Variants in KCNK1 observed in about 807,000 individuals in gnomAD.
KCNK1 encodes the protein potassium channel subfamily K member 1.
A neutral mutation model predicts 22.2 loss-of-function variants in KCNK1; 10 were observed. The ratio of observed to expected loss-of-function variants is 0.45; its 90% CI spans 0.28 to 0.76. The LOEUF (loss-of-function observed/expected upper bound fraction) is 0.76. Ranked by LOEUF, KCNK1 falls within the 30% of genes least tolerant of loss-of-function variation. The pLI is 0.14. For missense variants in KCNK1, 378 were observed against 421.0 expected, an observed-to-expected ratio of 0.90 and a Z score of 0.89; for synonymous variants, 200 against 186.4, an observed-to-expected ratio of 1.07 and a Z score of -0.60.
intron 1 of KCNK1, among the ~76,000 whole-genome samples, chr1:233,649,787 G>C (rs114993284): frequency 5.1e-4 from 77 of 152,284 alleles, no homozygotes; most frequent in African/African-American, 1.8e-3. Flanking sequence ...TGGGGATTAG[G>C]CTTTAACATA....
At chr1:233,664,684 T>G (rs1364214170) in intron 1 of KCNK1, among the ~76,000 whole-genome samples, 1 of 152,224 alleles carries the variant, frequency 6.6e-6, no homozygotes, top group African/African-American at 2.4e-5. Context: ...ACCCTGCCTC[T>G]GCCGTGGTGA....
intron 1 of KCNK1, among the ~76,000 whole-genome samples, chr1:233,640,332 G>A (rs997974142): frequency 1.1e-4 from 17 of 152,256 alleles, no homozygotes; most frequent in Admixed American, 8.5e-4. Context: ...GTGGGCAGGT[G>A]AAGTAATAAA....
intron 1 of KCNK1, among the ~76,000 whole-genome samples, chr1:233,654,724 G>A (rs1658260497): frequency 6.6e-6 from 1 of 152,118 alleles, no homozygotes; most frequent in Non-Finnish European, 1.5e-5. Context: ...ACTTGTCTGA[G>A]TAACATAGTG....
At chr1:233,647,219 C>T (rs1368048378) in intron 1 of KCNK1, among the ~76,000 whole-genome samples, 1 of 152,100 alleles carries the variant, frequency 6.6e-6, no homozygotes, top group Admixed American at 6.5e-5. Flanking sequence ...AGATGAAATC[C>T]TCTTGGTATT....
chr1:233,660,814 C>T (rs937242447), intron 1 of KCNK1: 1 of 152,190 alleles, frequency 6.6e-6, no homozygotes, highest in African/African-American at 2.4e-5. Flanking sequence ...AGTAACACCA[C>T]CCTCTCACTG....
rs1309896546 is a variant in KCNK1 at position 233,670,864 on chromosome 1, CT to C, written c.752-403del. On this transcript the variant is annotated intron_variant, in intron 2 of 2. Coordinates refer to ENST00000366621, the MANE Select transcript of KCNK1 (RefSeq NM_002245.4). The stretch of plus-strand genomic sequence containing the variant: ...CGAGCACCCCATGATAAAACAAAAA[CT>C]TTTCTAAAACATCACTGGCTTTTTG... Among the ~76,000 whole-genome samples the C allele has an allele frequency of 5.9e-5, 9 of 152,290 alleles. No homozygotes were observed. In the South Asian group the frequency reaches 1.7e-3, roughly 28 times the overall value.
chr1:233,645,975 T>TA (rs1343778524), intron 1 of KCNK1, among the ~76,000 whole-genome samples: 1 of 152,196 alleles, frequency 6.6e-6, no homozygotes, highest in African/African-American at 2.4e-5. Flanking sequence ...CTAATACTGT[T>TA]ACCTGAAATG....
chr1:233,630,904 A>G (rs943064249), intron 1 of KCNK1: 2 of 181,598 alleles, frequency 1.1e-5, no homozygotes, highest in African/African-American at 4.8e-5. Flanking sequence ...GTAAATGTCA[A>G]CGTCAGACAT....
At chr1:233,614,682 C>G (rs889903951) in intron 1 of KCNK1, among the ~76,000 whole-genome samples, 156 bp downstream of exon 1, 1 of 151,406 alleles carries the variant, frequency 6.6e-6, no homozygotes, top group African/African-American at 2.4e-5. Flanking sequence ...ACTGTCCTCC[C>G]GACCCTCCGA....
intron 1 of KCNK1, among the ~76,000 whole-genome samples, chr1:233,626,066 G>A (rs775268443): frequency 3.3e-5 from 5 of 151,860 alleles, no homozygotes; most frequent in Admixed American, 6.6e-5. Flanking sequence ...GTGTAGGAGG[G>A]CAAGGCTGAG....
intron 1 of KCNK1, among the ~76,000 whole-genome samples, chr1:233,638,039 A>T (rs558283197): frequency 6.6e-6 from 1 of 150,518 alleles, no homozygotes; most frequent in East Asian, 1.9e-4. Context: ...TGCTTCTGTT[A>T]TATTTATTTT....
intron 2 of KCNK1, among the ~76,000 whole-genome samples, chr1:233,669,006 A>G (rs1486016060): frequency 6.6e-6 from 1 of 152,238 alleles, no homozygotes; most frequent in African/African-American, 2.4e-5. Context: ...CTCATAGAAC[A>G]TAATGACCTG....
intron 1 of KCNK1, among the ~76,000 whole-genome samples, chr1:233,631,818 T>A (rs1256805659): frequency 1.3e-5 from 2 of 152,204 alleles, no homozygotes; most frequent in Admixed American, 6.5e-5. Flanking sequence ...TGGTTTTTTT[T>A]AAGCAAGTAA....
intron 1 of KCNK1, among the ~76,000 whole-genome samples, chr1:233,634,461 A>G (rs558571559): frequency 4.1e-4 from 62 of 152,354 alleles, no homozygotes; most frequent in Non-Finnish European, 7.5e-4. Context: ...CCTGTTTCTC[A>G]GATGTGAAAT....
At chr1:233,638,003 A>AC (rs1466550021) in intron 1 of KCNK1, among the ~76,000 whole-genome samples, 2 of 151,638 alleles carry the variant, frequency 1.3e-5, no homozygotes, top group Non-Finnish European at 2.9e-5. Flanking sequence ...AAAAATGAAA[A>AC]AAAAAAACAC....
At chr1:233,647,150 G>T (rs11576834) in intron 1 of KCNK1, among the ~76,000 whole-genome samples, 30,875 of 152,092 alleles carry the variant, frequency 0.2, 3,441 homozygotes, top group Middle Eastern at 0.26. Context: ...TTTTATAAAC[G>T]GCATGTCATC....
intron 1 of KCNK1, among the ~76,000 whole-genome samples, chr1:233,619,607 C>A (rs979090028): frequency 6.6e-6 from 1 of 151,978 alleles, no homozygotes; most frequent in African/African-American, 2.4e-5. Context: ...ATACTTGTTG[C>A]GCTTTTAGAA....
intron 1 of KCNK1, among the ~76,000 whole-genome samples, chr1:233,641,604 G>T (rs1371362812): frequency 1.3e-5 from 2 of 152,206 alleles, no homozygotes; most frequent in African/African-American, 4.8e-5. Context: ...GGTCCTGTTG[G>T]CACTTCCTGG....
chr1:233,637,706 C>T (rs1392391000), intron 1 of KCNK1, among the ~76,000 whole-genome samples: 1 of 152,134 alleles, frequency 6.6e-6, no homozygotes, highest in Non-Finnish European at 1.5e-5. Context: ...TGGAATTCTG[C>T]TTTCTGGTGC....
Sources: gnomAD v4.1 joint callset for allele counts (sites outside exome capture counted in the v4.1 genomes callset) on GRCh38, gnomAD v4.1.1 for gene constraint, MANE v1.5 for transcripts, NCBI Gene and HGNC (gene_info 2026-07-23, HGNC 2026-07-21) for gene names.